Variants in TRIQK observed in about 807,000 individuals in gnomAD.
TRIQK encodes the protein triple QxxK/R motif containing.
Under a neutral mutation model 10.8 loss-of-function variants are expected in TRIQK, and 10 were observed. The observed-to-expected ratio is 0.92, with a 90% CI of 0.57 to 1.57. The LOEUF (loss-of-function observed/expected upper bound fraction) is 1.57. Ranked by LOEUF, TRIQK falls within the 40% of genes most tolerant of loss-of-function variation. The pLI is 0.00. For missense variants in TRIQK, 107 were observed against 97.7 expected (o/e 1.09, Z -0.40); for synonymous variants, 33 against 33.7 (o/e 0.98, Z 0.07).
At position 92,958,490 on chromosome 8, in the gene TRIQK, A is replaced by T. The variant is rs1586499074; in HGVS notation, c.-180-3926T>A. On this transcript the variant is annotated intron_variant, in intron 1 of 4. Transcript: ENST00000521988. ...AGTATCCATTATTTCTTATTATAAT[A>T]TTGAGATATTACCTGATTTTCATCT... 5.9e-5 allele frequency among the ~76,000 whole-genome samples: 9 copies of T among 152,142 alleles called. 3 individuals carry two copies. The highest frequency in any genetic ancestry group is 5.9e-4 in the Admixed American group (9 of 15,258).
At chr8:92,990,098 G>A (rs532903301) in intron 1 of TRIQK, among the ~76,000 whole-genome samples, 91 of 152,196 alleles carry the variant, frequency 6.0e-4, no homozygotes, top group African/African-American at 1.9e-3. Context: ...ACAACATTCC[G>A]TAATGGTCAG....
At chr8:92,940,202 T>C (rs534542399) in intron 2 of TRIQK, among the ~76,000 whole-genome samples, 3 of 152,272 alleles carry the variant, frequency 2.0e-5, no homozygotes, top group South Asian at 4.2e-4. Flanking sequence ...ATTCTATCCA[T>C]GTCAAAGAAC....
chr8:92,897,820 T>G (rs189254206), intron 3 of TRIQK, among the ~76,000 whole-genome samples: 1 of 152,194 alleles, frequency 6.6e-6, no homozygotes, highest in Admixed American at 6.5e-5. Flanking sequence ...CAGGTATATG[T>G]GTATGTTTTT....
At chr8:92,897,157 A>G (rs189023385) in intron 3 of TRIQK, among the ~76,000 whole-genome samples, 2 of 152,282 alleles carry the variant, frequency 1.3e-5, no homozygotes, top group Non-Finnish European at 2.9e-5. Context: ...GATTAATTTC[A>G]CAGGCTCACA....
chr8:92,890,429 T>C (rs1001288954), intron 4 of TRIQK, among the ~76,000 whole-genome samples: 4 of 151,766 alleles, frequency 2.6e-5, no homozygotes, highest in African/African-American at 9.7e-5. Context: ...AAATATTAAA[T>C]AAAATCTAAG....
intron 1 of TRIQK, among the ~76,000 whole-genome samples, chr8:92,957,469 AT>A (rs1317984602): frequency 6.6e-6 from 1 of 151,910 alleles, no homozygotes; most frequent in Non-Finnish European, 1.5e-5. Context: ...AACTATTTTC[AT>A]TATATATCTA....
At chr8:92,934,377 T>C (rs577097447) in intron 2 of TRIQK, among the ~76,000 whole-genome samples, 10 of 152,060 alleles carry the variant, frequency 6.6e-5, no homozygotes, top group African/African-American at 2.4e-4. Flanking sequence ...CATCCTTAAA[T>C]ATTAAGACAG....
At chr8:92,992,581 C>A (rs1010851117) in intron 1 of TRIQK, among the ~76,000 whole-genome samples, 1 of 152,180 alleles carries the variant, frequency 6.6e-6, no homozygotes, top group South Asian at 2.1e-4. Context: ...CACAGTTTGG[C>A]TGCCACAAGG....
chr8:92,975,095 T>C (rs962634509), intron 1 of TRIQK, among the ~76,000 whole-genome samples: 1 of 152,178 alleles, frequency 6.6e-6, no homozygotes, highest in Non-Finnish European at 1.5e-5. Flanking sequence ...CAATCAAGGA[T>C]ACCTGGTTGC....
chr8:92,960,300 T>C (rs1812387477), intron 1 of TRIQK, among the ~76,000 whole-genome samples: 1 of 152,180 alleles, frequency 6.6e-6, no homozygotes, highest in Admixed American at 6.6e-5. Context: ...CCATATATCA[T>C]CTTTTTATGA....
intron 1 of TRIQK, among the ~76,000 whole-genome samples, chr8:93,004,699 T>C (rs778799927): frequency 3.9e-5 from 6 of 152,310 alleles, no homozygotes; most frequent in Admixed American, 6.5e-5. Flanking sequence ...AGGCCACAAT[T>C]TGAATGCTTT....
upstream of TRIQK, among the ~76,000 whole-genome samples, chr8:92,966,610 G>A (rs1321057491): frequency 6.6e-6 from 1 of 151,970 alleles, no homozygotes; most frequent in African/African-American, 2.4e-5. Context: ...CCTATGTTCG[G>A]GTACTCAATT....
intron 2 of TRIQK, among the ~76,000 whole-genome samples, chr8:92,920,175 CAG>C (rs1743162849): frequency 6.6e-6 from 1 of 151,590 alleles, no homozygotes; most frequent in Non-Finnish European, 1.5e-5. Flanking sequence ...AATATTGCAG[CAG>C]AGAGTACAAC....
intron 2 of TRIQK, among the ~76,000 whole-genome samples, chr8:92,950,673 C>T (rs564601249): frequency 6.6e-6 from 1 of 152,198 alleles, no homozygotes; most frequent in Non-Finnish European, 1.5e-5. Context: ...CCATAAGAGC[C>T]TCAAACCTTT....
chr8:92,911,479 T>C (rs1809562973), intron 3 of TRIQK, among the ~76,000 whole-genome samples: 1 of 151,416 alleles, frequency 6.6e-6, no homozygotes, highest in Non-Finnish European at 1.5e-5. Context: ...TCAAAATATA[T>C]AGAGTGTCTC....
intron 1 of TRIQK, among the ~76,000 whole-genome samples, chr8:93,006,159 T>G (rs1271523387): frequency 6.6e-6 from 1 of 151,920 alleles, no homozygotes; most frequent in Non-Finnish European, 1.5e-5. Flanking sequence ...GGACCACCTG[T>G]GGGGAGGGGC....
At chr8:92,903,904 T>TA (rs980050728) in intron 3 of TRIQK, among the ~76,000 whole-genome samples, 148 of 152,066 alleles carry the variant, frequency 9.7e-4, no homozygotes, top group African/African-American at 3.4e-3. Flanking sequence ...TAAAAAGCAC[T>TA]AAAAAGAAGA....
At chr8:92,907,317 TTGTGA>T (rs1809327553) in intron 3 of TRIQK, among the ~76,000 whole-genome samples, 2 of 152,180 alleles carry the variant, frequency 1.3e-5, no homozygotes, top group Non-Finnish European at 2.9e-5. Context: ...AAGATTACCT[TTGTGA>T]ATGGTTTCTT....
intron 1 of TRIQK, among the ~76,000 whole-genome samples, chr8:93,001,057 C>A (rs1378627797): frequency 6.6e-6 from 1 of 152,070 alleles, no homozygotes; most frequent in Non-Finnish European, 1.5e-5. Flanking sequence ...CCTGTAATCC[C>A]AGCACTTTGG....
Sources: gnomAD v4.1 joint callset for allele counts (sites outside exome capture counted in the v4.1 genomes callset) on GRCh38, gnomAD v4.1.1 for gene constraint, MANE v1.5 for transcripts, NCBI Gene and HGNC (gene_info 2026-07-23, HGNC 2026-07-21) for gene names.